ASAP1: variants seen among roughly 807,000 people sequenced by gnomAD.
ASAP1 encodes the protein arf-GAP with SH3 domain, ANK repeat and PH domain-containing protein 1.
In ASAP1, 43 loss-of-function variants were observed where a neutral mutation model predicts 145.2. That is an observed-to-expected ratio of 0.30 (90% CI 0.23 to 0.38). The LOEUF (loss-of-function observed/expected upper bound fraction) is 0.38, where lower values mean the gene tolerates loss of function less well. Ranked by LOEUF, ASAP1 falls within the 10% of genes least tolerant of loss-of-function variation. ASAP1 has a pLI of 1.00. For missense variants in ASAP1, 1,018 were observed against 1,355.3 expected (o/e 0.75, Z 3.91); for synonymous variants, 546 against 515.5 (o/e 1.06, Z -0.80).
At chr8:130,160,681 G>A (rs776992349) in intron 11 of ASAP1, 4 of 731,742 alleles carry the variant, frequency 5.5e-6, no homozygotes, top group Admixed American at 3.7e-5. Context: ...ATTACATTAC[G>A]AAAATGTAAG....
At chr8:130,147,007 C>T (rs2097632694) in intron 13 of ASAP1, among the ~76,000 whole-genome samples, 1 of 151,990 alleles carries the variant, frequency 6.6e-6, no homozygotes, top group Non-Finnish European at 1.5e-5. Context: ...GGGTGGATCA[C>T]TTGAAGTCAT....
At chr8:130,382,312 A>C (rs1305379805) in intron 2 of ASAP1, among the ~76,000 whole-genome samples, 4 of 150,830 alleles carry the variant, frequency 2.7e-5, no homozygotes, top group Non-Finnish European at 5.9e-5. Flanking sequence ...AAAAAAAAGA[A>C]ATTAAAGATA....
intron 13 of ASAP1, among the ~76,000 whole-genome samples, chr8:130,139,535 G>C (rs2135843852): frequency 6.6e-6 from 1 of 152,156 alleles, no homozygotes; most frequent in East Asian, 1.9e-4. Flanking sequence ...AGACCAGCCT[G>C]GCCAACGTGG....
At chr8:130,088,800 G>A (rs544373867) in intron 25 of ASAP1, among the ~76,000 whole-genome samples, 12 of 152,300 alleles carry the variant, frequency 7.9e-5, no homozygotes, top group Non-Finnish European at 1.2e-4. Flanking sequence ...ATTGGGTGCT[G>A]CCTATGGTTT....
intron 2 of ASAP1, among the ~76,000 whole-genome samples, chr8:130,388,195 C>T (rs1248125730): frequency 1.3e-5 from 2 of 152,164 alleles, no homozygotes; most frequent in Non-Finnish European, 2.9e-5. Flanking sequence ...GTGTGAGGAA[C>T]AGAACGGAGG....
intron 2 of ASAP1, among the ~76,000 whole-genome samples, chr8:130,395,125 T>C (rs1341261313): frequency 6.6e-6 from 1 of 152,166 alleles, no homozygotes; most frequent in Non-Finnish European, 1.5e-5. Flanking sequence ...TCCGTCTCAC[T>C]TCCCTGGCAA....
chr8:130,362,234 G>GT, intron 2 of ASAP1, among the ~76,000 whole-genome samples: 1 of 152,276 alleles, frequency 6.6e-6, no homozygotes, highest in Middle Eastern at 3.4e-3. Flanking sequence ...GAAACCAGAG[G>GT]TGGGGGAGTG....
At chr8:130,428,823 T>A (rs981725427) in intron 1 of ASAP1, among the ~76,000 whole-genome samples, 5 of 152,192 alleles carry the variant, frequency 3.3e-5, no homozygotes, top group African/African-American at 1.2e-4. Context: ...ACCATCATTA[T>A]CATTGCATTA....
intron 3 of ASAP1, among the ~76,000 whole-genome samples, chr8:130,346,186 AG>A (rs935743108): frequency 6.6e-6 from 1 of 152,246 alleles, no homozygotes; most frequent in African/African-American, 2.4e-5. Context: ...TTAAAAAGTG[AG>A]GGGGGATGTC....
chr8:130,256,680 A>G (rs1392057750), intron 3 of ASAP1, among the ~76,000 whole-genome samples: 4 of 148,246 alleles, frequency 2.7e-5, no homozygotes, highest in African/African-American at 1.0e-4. Flanking sequence ...AGAAAAATAT[A>G]GCTTGAAGTC....
intron 3 of ASAP1, among the ~76,000 whole-genome samples, chr8:130,352,215 T>G (rs1826036916): frequency 6.6e-6 from 1 of 150,450 alleles, no homozygotes; most frequent in South Asian, 2.1e-4. Flanking sequence ...CCTAAGGGTT[T>G]TTTTTTTTTT....
chr8:130,352,178 A>T (rs1417042662), intron 3 of ASAP1, among the ~76,000 whole-genome samples: 2 of 150,294 alleles, frequency 1.3e-5, no homozygotes, highest in Non-Finnish European at 3.0e-5. Flanking sequence ...AAGCAAAAGT[A>T]TAAATCTTGA....
At chr8:130,395,892 C>CT (rs1051490806) in intron 2 of ASAP1, among the ~76,000 whole-genome samples, 4 of 152,182 alleles carry the variant, frequency 2.6e-5, no homozygotes, top group African/African-American at 9.6e-5. Context: ...TCTCGAACTC[C>CT]TGATCTTAGG....
intron 2 of ASAP1, among the ~76,000 whole-genome samples, chr8:130,370,234 G>A (rs552189838): frequency 5.9e-5 from 9 of 152,310 alleles, no homozygotes; most frequent in Middle Eastern, 3.4e-3. Flanking sequence ...CCCAGGAGGC[G>A]GAGGTTGCAG....
At chr8:130,429,428 A>G (rs1258457185) in intron 1 of ASAP1, among the ~76,000 whole-genome samples, 1 of 152,178 alleles carries the variant, frequency 6.6e-6, no homozygotes, top group East Asian at 1.9e-4. Context: ...CTATGAGGCA[A>G]AAGTCTTATT....
chr8:130,242,191 A>T (rs1056634852), intron 3 of ASAP1, among the ~76,000 whole-genome samples: 9 of 146,972 alleles, frequency 6.1e-5, no homozygotes, highest in African/African-American at 2.2e-4. Context: ...GGCAGTTGCC[A>T]GTGAAACACT....
chr8:130,153,361 A>G (rs1370906014), intron 12 of ASAP1, among the ~76,000 whole-genome samples: 1,258 of 57,730 alleles, frequency 0.022, 25 homozygotes, highest in African/African-American at 0.053. Context: ...ATATATATGT[A>G]TATATATATA....
intron 3 of ASAP1, among the ~76,000 whole-genome samples, chr8:130,266,595 G>A (rs1235475264): frequency 2.6e-5 from 4 of 151,834 alleles, no homozygotes; most frequent in Non-Finnish European, 4.4e-5. Context: ...CTGATAACGA[G>A]ATTACCTTCC....
Position 130,116,988 on chromosome 8 carries a change from G to T in ASAP1, c.1888C>A (p.Leu630Met). Reference protein sequence around the residue: ...VDFLVQNCGNLDKQTALGNTV... With the variant: ...VDFLVQNCGNMDKQTALGNTV... ...TTTCCCAGGGCCGTCTGCTTATCCA[G>T]GTTCCCACTGAAAAATTAGATGATG... The change falls in exon 21 of 30, where the codon CTG (leucine) becomes ATG (methionine). Residue 630 changes from leucine to methionine, a missense_variant. By Grantham distance (15) the Leu-to-Met change is conservative. This residue lies in a region of ASAP1 where 353 missense variants were observed against 375.4 expected (regional missense o/e 0.94). Coordinates refer to ENST00000518721, the MANE Select transcript of ASAP1 (RefSeq NM_018482.4). The T allele has an allele frequency of 6.2e-7, 1 of 1,600,382 alleles. No individual in the cohort carries two copies. Among genetic ancestry groups the T allele is most frequent in the Non-Finnish European group, 8.5e-7 (1 of 1,174,662 alleles).
Sources: allele counts gnomAD v4.1 joint callset (sites outside exome capture counted in the v4.1 genomes callset), GRCh38; gene constraint gnomAD v4.1.1; regional missense constraint gnomAD v4.1.1; transcripts MANE v1.5; gene names NCBI Gene and HGNC (gene_info 2026-07-23, HGNC 2026-07-21).